Variants in TRIO observed in about 807,000 individuals in gnomAD.
TRIO encodes the protein trio Rho guanine nucleotide exchange factor.
In TRIO, 58 loss-of-function variants were observed where a neutral mutation model predicts 351.9. The observed-to-expected ratio is 0.16, with a 90% CI of 0.13 to 0.21. The LOEUF is 0.21. TRIO is among the 10% of genes least tolerant of loss of function. The pLI is 1.00. For synonymous variants in TRIO, 1,758 were observed against 1,595.7 expected, an observed-to-expected ratio of 1.10 and a Z score of -2.42; for missense variants, 3,201 against 4,027.8, an observed-to-expected ratio of 0.79 and a Z score of 5.56.
chr5:14,209,497 T>C (rs1240784323), intron 1 of TRIO, among the ~76,000 whole-genome samples: 5 of 152,220 alleles, frequency 3.3e-5, no homozygotes, highest in South Asian at 4.1e-4. Context: ...GTAAATAGTT[T>C]AGTGTAATGT....
chr5:14,212,144 GA>G (rs891417410), intron 1 of TRIO, among the ~76,000 whole-genome samples: 4 of 149,618 alleles, frequency 2.7e-5, no homozygotes, highest in African/African-American at 7.4e-5. Flanking sequence ...GTCTTAAAAA[GA>G]AAAAAAAAGG....
At chr5:14,236,062 A>C (rs76754674) in intron 1 of TRIO, among the ~76,000 whole-genome samples, 4 of 43,972 alleles carry the variant, frequency 9.1e-5, no homozygotes, top group Admixed American at 6.4e-4. Flanking sequence ...CTTAACAAAT[A>C]ATTTGTGGTA....
rs545933386 is a variant in TRIO, at chr5:14,382,499, A to G, written c.3570+1247A>G. Reference sequence around the variant, plus strand: ...AGAGACCAGGCATGGGGGGCGCAGCAAGAAGACCCGGCCCAGGGTGGGGGT... The same window carrying G: ...AGAGACCAGGCATGGGGGGCGCAGCGAGAAGACCCGGCCCAGGGTGGGGGT... On this transcript the variant is annotated intron_variant, in intron 21 of 56. Coordinates refer to ENST00000344204, the MANE Select transcript of TRIO (RefSeq NM_007118.4). 1.4e-4 allele frequency among the ~76,000 whole-genome samples: 21 copies of G among 152,216 alleles called. No homozygotes were observed. In the East Asian group the frequency reaches 2.3e-3, roughly 17 times the overall value.
At chr5:14,174,008 T>G (rs1789260253) in intron 1 of TRIO, among the ~76,000 whole-genome samples, 1 of 152,230 alleles carries the variant, frequency 6.6e-6, no homozygotes, top group Non-Finnish European at 1.5e-5. Context: ...GCAAGGCTGT[T>G]GTAGGAAAGT....
intron 4 of TRIO, among the ~76,000 whole-genome samples, chr5:14,290,189 C>A (rs1424085039): frequency 6.6e-6 from 1 of 152,096 alleles, no homozygotes; most frequent in Non-Finnish European, 1.5e-5. Context: ...AATAGGCAGC[C>A]CACACGTAAT....
At chr5:14,377,594 A>G (rs1315882747) in intron 19 of TRIO, among the ~76,000 whole-genome samples, 1 of 151,506 alleles carries the variant, frequency 6.6e-6, no homozygotes, top group Non-Finnish European at 1.5e-5. Flanking sequence ...TTATTACTCC[A>G]CTATTTTGAC....
rs775566597 is a variant in TRIO at position 14,476,975 on chromosome 5, A to G, written c.6153+12A>G. The G allele has an allele frequency of 6.2e-7, 1 of 1,607,786 alleles. No individual in the cohort carries two copies. The highest frequency in any genetic ancestry group is 8.5e-7 in the Non-Finnish European group (1 of 1,174,914). ...TTTTTGTTAAACACGTAAGCACAAT[A>G]GCATTGCTTATATCCTGTTCTGATG... On this transcript the variant is annotated intron_variant, in intron 41 of 56. Coordinates refer to ENST00000344204, the MANE Select transcript of TRIO (RefSeq NM_007118.4).
chr5:14,350,811 C>CG (rs1311124240), intron 11 of TRIO, among the ~76,000 whole-genome samples: 1 of 152,088 alleles, frequency 6.6e-6, no homozygotes, highest in Non-Finnish European at 1.5e-5. Flanking sequence ...CATATTAAGG[C>CG]GGCGGTCCCC....
chr5:14,168,118 G>A (rs1238600336), intron 1 of TRIO, among the ~76,000 whole-genome samples: 5 of 152,206 alleles, frequency 3.3e-5, no homozygotes, highest in African/African-American at 7.2e-5. Flanking sequence ...AGAACAATTG[G>A]AAGAGAAGCC....
chr5:14,509,417 C>T lies in TRIO; in HGVS notation c.*995C>T, dbSNP rs1050589971. ...GGGTTGGCGGGTGGGTGGGTAGGGT[C>T]GTAGCCCTGTGCCATCGGTTCAAAG... On this transcript the variant is annotated 3_prime_UTR_variant, in exon 57 of 57. Coordinates refer to ENST00000344204, the MANE Select transcript of TRIO (RefSeq NM_007118.4). 2 of 469,098 alleles carry T rather than the reference C, an allele frequency of 4.3e-6. No individual in the cohort carries two copies. Among genetic ancestry groups the T allele is most frequent in the African/African-American group, 2.0e-5 (1 of 50,956 alleles). The allele number at this position is 469,098 out of a possible 1,614,324, so 29.1% of individuals were successfully genotyped here. A position where few individuals can be genotyped will look rare whatever the true frequency, so the allele number is the denominator to read the frequency against.
intron 1 of TRIO, among the ~76,000 whole-genome samples, chr5:14,170,526 T>C (rs75735797): frequency 1.0e-5 from 1 of 100,418 alleles, no homozygotes; most frequent in South Asian, 3.3e-4. Context: ...TTTTTTTTTT[T>C]GGAGAAGTCT....
chr5:14,249,527 T>A (rs960930391), intron 1 of TRIO, among the ~76,000 whole-genome samples: 3 of 152,204 alleles, frequency 2.0e-5, no homozygotes, highest in Non-Finnish European at 2.9e-5. Context: ...TATGTGAGTT[T>A]AATTTGCATG....
intron 49 of TRIO, among the ~76,000 whole-genome samples, chr5:14,493,287 A>G (rs553178003): frequency 1.3e-5 from 2 of 152,042 alleles, no homozygotes; most frequent in Admixed American, 1.3e-4. Context: ...CTTTGCTTTA[A>G]TGTGCTTTGA....
intron 1 of TRIO, among the ~76,000 whole-genome samples, chr5:14,227,543 T>G (rs1430662570): frequency 1.3e-5 from 2 of 152,234 alleles, no homozygotes; most frequent in Non-Finnish European, 2.9e-5. Flanking sequence ...ATCTATTGTG[T>G]TCTCAGAACT....
Position 14,381,204 on chromosome 5 carries a change from C to T in TRIO, c.3522C>T (p.His1174=). The T allele has an allele frequency of 6.2e-7, 1 of 1,614,084 alleles. No homozygotes were observed. The highest frequency in any genetic ancestry group is 8.5e-7 in the Non-Finnish European group (1 of 1,179,992). ...THTSTGSSIQ[H]TQELLKEHEE... is the part of the protein sequence containing the mutation. ...CCTCCACGGGCTCCAGTATACAGCA[C>T]ACCCAGGAGCTCCTGAAAGAGCACG... The change falls in exon 21 of 57, where the codon CAC becomes CAT. Residue 1174 remains histidine (H), a synonymous_variant. Transcript: ENST00000344204.
At chr5:14,419,729 C>G in intron 33 of TRIO, 49 bp from the exon 34 acceptor site, 1 of 1,599,454 alleles carries the variant, frequency 6.3e-7, no homozygotes, top group South Asian at 1.1e-5. Flanking sequence ...CCTGAAGGCA[C>G]CATGGCTCAC....
chr5:14,450,922 G>A (rs1752808594), intron 34 of TRIO, among the ~76,000 whole-genome samples: 1 of 152,172 alleles, frequency 6.6e-6, no homozygotes, highest in South Asian at 2.1e-4. Context: ...AGACTCACTA[G>A]TACTCACAGA....
chr5:14,322,809 A>G (rs949208813), intron 9 of TRIO, among the ~76,000 whole-genome samples: 1 of 152,188 alleles, frequency 6.6e-6, no homozygotes, highest in Non-Finnish European at 1.5e-5. Context: ...CTTAATTAGA[A>G]TGGCTACAGG....
chr5:14,326,230 C>T (rs1740370066), intron 9 of TRIO, among the ~76,000 whole-genome samples: 1 of 152,220 alleles, frequency 6.6e-6, no homozygotes, highest in African/African-American at 2.4e-5. Context: ...GCTTCCACAG[C>T]AGGTGCTCAG....
Sources: gnomAD v4.1 joint callset for allele counts (sites outside exome capture counted in the v4.1 genomes callset) on GRCh38, gnomAD v4.1.1 for gene constraint, MANE v1.5 for transcripts, NCBI Gene and HGNC (gene_info 2026-07-23, HGNC 2026-07-21) for gene names.